The following ELMO1 variants were observed in gnomAD, a reference collection of about 807,000 sequenced individuals.
ELMO1 encodes the protein engulfment and cell motility protein 1.
Under a neutral mutation model 98.9 loss-of-function variants are expected in ELMO1, and 26 were observed. The observed-to-expected ratio is 0.26, with a 90% CI of 0.19 to 0.36. The LOEUF (loss-of-function observed/expected upper bound fraction) is 0.36. Among genes scored for constraint, ELMO1 ranks in the 10% least tolerant of loss-of-function variants. The pLI, the probability that ELMO1 is intolerant of heterozygous loss-of-function variation, is 1.00. For missense variants in ELMO1, 627 were observed against 935.2 expected, an observed-to-expected ratio of 0.67 and a Z score of 4.30; for synonymous variants, 346 against 346.0, an observed-to-expected ratio of 1.00 and a Z score of 0.00.
chr7:36,957,994 T>C (rs1788609182), intron 16 of ELMO1, among the ~76,000 whole-genome samples: 1 of 152,204 alleles, frequency 6.6e-6, no homozygotes, highest in Admixed American at 6.5e-5. Context: ...CTACTGTCTT[T>C]GTAAATTATT....
intron 14 of ELMO1, among the ~76,000 whole-genome samples, chr7:37,120,913 C>A (rs1221960720): frequency 6.6e-6 from 1 of 152,184 alleles, no homozygotes; most frequent in Non-Finnish European, 1.5e-5. Flanking sequence ...GCCGGGTACC[C>A]CTCTGAGACG....
chr7:37,438,494 G>C (rs868638159), intron 1 of ELMO1, among the ~76,000 whole-genome samples: 6 of 151,618 alleles, frequency 4.0e-5, no homozygotes, highest in Admixed American at 3.9e-4. Flanking sequence ...CAGCTACTTC[G>C]GAGGCTGGGG....
intron 4 of ELMO1, among the ~76,000 whole-genome samples, chr7:37,308,940 C>CCATGTTAGG (rs527552655): frequency 5.3e-5 from 8 of 152,124 alleles, no homozygotes; most frequent in Middle Eastern, 6.8e-3. Flanking sequence ...CAGAGGAGAC[C>CCATGTTAGG]CATGTTAGGC....
rs913819187 is a variant in ELMO1 at position 37,051,207 on chromosome 7, G to A, written c.1301-37772C>T. On this transcript the variant is annotated intron_variant, in intron 15 of 21. Transcript: ENST00000310758. ...AATGAGAAGTGATAAAAAATGAACC[G>A]TGTCTACTTGGCCTCTTATGCATGT... Among the ~76,000 whole-genome samples the A allele has an allele frequency of 3.3e-5, 5 of 152,162 alleles. No individual in the cohort carries two copies. The South Asian group carries it at 6.2e-4, about 19-fold the overall frequency.
rs778708825 is a variant in ELMO1, at chr7:36,855,801, G to T, written c.1984-50C>A. 1.2e-6 allele frequency: 2 copies of T among 1,602,100 alleles called. No individual in the cohort carries two copies. The highest frequency in any genetic ancestry group is 1.7e-6 in the Non-Finnish European group (2 of 1,169,924). On this transcript the variant is annotated intron_variant, in intron 21 of 21. Transcript: ENST00000310758. This position sits in a 1 kb window ranked among gnomAD's most constrained non-coding sequence, Gnocchi z 4.2. ...ATCATTACTGGTGGCAATTACAGAA[G>T]TATTAATAGTAAAAATAGCTAACAG...
At chr7:37,215,868 A>G (rs1183006797) in intron 11 of ELMO1, among the ~76,000 whole-genome samples, 2 of 152,148 alleles carry the variant, frequency 1.3e-5, no homozygotes, top group African/African-American at 4.8e-5. Context: ...TGTTGGCCTC[A>G]CCATACTTGA....
intron 4 of ELMO1, among the ~76,000 whole-genome samples, chr7:37,279,259 G>C (rs968819400): frequency 6.6e-6 from 1 of 152,162 alleles, no homozygotes; most frequent in Non-Finnish European, 1.5e-5. Context: ...TACCTCACCA[G>C]GGCATTTCAA....
chr7:36,977,298 G>A (rs1408936885), intron 16 of ELMO1, among the ~76,000 whole-genome samples: 1 of 152,168 alleles, frequency 6.6e-6, no homozygotes, highest in Non-Finnish European at 1.5e-5. Context: ...AAAGGAATAT[G>A]CAAAATGCCT....
chr7:37,375,955 G>C, intron 1 of ELMO1: 2 of 610,712 alleles, frequency 3.3e-6, no homozygotes, highest in South Asian at 1.7e-5. Context: ...AGAGGCTGGG[G>C]CTGGGTCAGC....
chr7:37,219,046 T>C (rs4723616), intron 10 of ELMO1, among the ~76,000 whole-genome samples: 13 of 152,330 alleles, frequency 8.5e-5, no homozygotes, highest in Admixed American at 8.5e-4. Context: ...TTTGCCCGCC[T>C]AACAGCAACC....
chr7:37,345,332 G>A (rs1475756506), intron 1 of ELMO1, among the ~76,000 whole-genome samples: 1 of 152,182 alleles, frequency 6.6e-6, no homozygotes, highest in Non-Finnish European at 1.5e-5. Context: ...ACTGAAGCCT[G>A]TGCCTCTACC....
intron 1 of ELMO1, among the ~76,000 whole-genome samples, chr7:37,385,991 TC>T (rs1204811195): frequency 1.3e-5 from 2 of 152,188 alleles, no homozygotes; most frequent in Non-Finnish European, 2.9e-5. Context: ...TCTAGGCCCC[TC>T]CTCAACCGGA....
Position 37,188,065 on chromosome 7 carries a change from C to T in ELMO1, c.1086+23321G>A, listed in dbSNP as rs111458032. ...GGGTGGGGGTGCATTAAAATCTTGT[C>T]TTCAATGGCAATCATAATCACTTTT... On this transcript the variant is annotated intron_variant, in intron 13 of 21. Transcript: ENST00000310758. 2.6e-5 allele frequency among the ~76,000 whole-genome samples: 4 copies of T among 152,136 alleles called. 1 individual carries two copies. Among genetic ancestry groups the T allele is most frequent in the African/African-American group, 9.6e-5 (4 of 41,500 alleles).
intron 7 of ELMO1, among the ~76,000 whole-genome samples, chr7:37,240,275 G>C (rs546527600): frequency 6.6e-6 from 1 of 151,988 alleles, no homozygotes; most frequent in Admixed American, 6.5e-5. Context: ...CTGGGCTCAA[G>C]TGATCCACCT....
chr7:37,222,851 A>G lies in ELMO1; in HGVS notation c.702-158T>C, dbSNP rs187143236. On this transcript the variant is annotated intron_variant, in intron 9 of 21. Coordinates refer to ENST00000310758, the MANE Select transcript of ELMO1 (RefSeq NM_014800.11). ...AAAATGCATTTTGCACTGAGAATGC[A>G]TTTCAAACATCACAAGGTGGTAAAT... 2.4e-3 allele frequency among the ~76,000 whole-genome samples: 372 copies of G among 152,336 alleles called. 1 individual carries two copies. Among genetic ancestry groups the G allele is most frequent in the Non-Finnish European group, 4.4e-3 (301 of 68,036 alleles).
intron 16 of ELMO1, among the ~76,000 whole-genome samples, chr7:36,995,422 C>T (rs1326919778): frequency 1.3e-5 from 2 of 151,834 alleles, no homozygotes; most frequent in African/African-American, 4.8e-5. Flanking sequence ...GCAGGAGAAT[C>T]GCTTGAACCC....
chr7:37,050,609 A>AACAC (rs60918785), intron 15 of ELMO1, among the ~76,000 whole-genome samples: 11,104 of 129,384 alleles, frequency 0.086, 524 homozygotes, highest in African/African-American at 0.13. Flanking sequence ...AGGTGCTCTG[A>AACAC]ACACACACAC....
chr7:37,244,125 T>C (rs1305873207), intron 7 of ELMO1, among the ~76,000 whole-genome samples: 1 of 152,124 alleles, frequency 6.6e-6, no homozygotes, highest in Non-Finnish European at 1.5e-5. Context: ...CATCACTTAG[T>C]GGTTACATAC....
At chr7:37,397,787 T>C (rs1371656451) in intron 1 of ELMO1, among the ~76,000 whole-genome samples, 4 of 152,212 alleles carry the variant, frequency 2.6e-5, no homozygotes, top group Non-Finnish European at 5.9e-5. Flanking sequence ...AAAGAAAATG[T>C]AGTACATATA....
Sources: allele counts gnomAD v4.1 joint callset (sites outside exome capture counted in the v4.1 genomes callset), GRCh38; gene constraint gnomAD v4.1.1; non-coding constraint Gnocchi (gnomAD v3.1); transcripts MANE v1.5; gene names NCBI Gene and HGNC (gene_info 2026-07-23, HGNC 2026-07-21).